Variants in KLHL29 observed in about 807,000 individuals in gnomAD.
KLHL29 encodes kelch like family member 29.
Under a neutral mutation model 80.4 loss-of-function variants are expected in KLHL29, and 21 were observed. The ratio of observed to expected loss-of-function variants is 0.26; its 90% confidence interval spans 0.19 to 0.38. The LOEUF is 0.38. Among genes scored for constraint, KLHL29 ranks in the 10% least tolerant of loss-of-function variants. The probability of loss-of-function intolerance (pLI) is 1.00; values close to 1 mark genes in which losing one functional copy is unlikely to be tolerated. For synonymous variants in KLHL29, 511 were observed against 526.8 expected (o/e 0.97, Z 0.41); for missense variants, 867 against 1,223.9 (o/e 0.71, Z 4.35).
At chr2:23,637,766 C>T (rs567224155) in intron 3 of KLHL29, among the ~76,000 whole-genome samples, 1 of 152,184 alleles carries the variant, frequency 6.6e-6, no homozygotes. Context: ...GGCTCAGCAG[C>T]AGGCCCTGTC....
chr2:23,658,983 TC>T (rs1236248575), intron 5 of KLHL29, among the ~76,000 whole-genome samples: 3 of 152,156 alleles, frequency 2.0e-5, no homozygotes, highest in African/African-American at 7.2e-5. Flanking sequence ...AGCACAGCCT[TC>T]ACTCACTCTC....
At chr2:23,461,133 C>T (rs942230962) in intron 1 of KLHL29, among the ~76,000 whole-genome samples, 8 of 152,154 alleles carry the variant, frequency 5.3e-5, no homozygotes, top group Non-Finnish European at 1.2e-4. Context: ...TTTTTGAGTA[C>T]TTTATTGTAT....
chr2:23,443,193 G>C (rs1247338685), intron 1 of KLHL29, among the ~76,000 whole-genome samples: 9 of 151,888 alleles, frequency 5.9e-5, no homozygotes, highest in Non-Finnish European at 1.2e-4. Flanking sequence ...ATTTATATGT[G>C]CATGCATATC....
At chr2:23,450,171 T>G (rs1663831135) in intron 1 of KLHL29, among the ~76,000 whole-genome samples, 2 of 151,814 alleles carry the variant, frequency 1.3e-5, no homozygotes, top group South Asian at 4.2e-4. Context: ...AAGTTCATCA[T>G]GACGGCAGCA....
At chr2:23,630,777 C>T (rs1231482440) in intron 3 of KLHL29, among the ~76,000 whole-genome samples, 2 of 152,166 alleles carry the variant, frequency 1.3e-5, no homozygotes, top group African/African-American at 2.4e-5. Context: ...CATGAGCCAC[C>T]ATGCCTGGCT....
At chr2:23,533,478 C>A (rs570862018) in intron 2 of KLHL29, among the ~76,000 whole-genome samples, 2 of 152,100 alleles carry the variant, frequency 1.3e-5, no homozygotes, top group Admixed American at 6.5e-5. Context: ...GAGCCTCTGC[C>A]GGGAGTGAAG....
rs368616853 is a variant in KLHL29 at position 23,672,192 on chromosome 2, T to C, written c.941-12207T>C. 8 of 152,374 alleles carry C rather than the reference T, an allele frequency of 5.3e-5. No individual in the cohort carries two copies. The East Asian group carries it at 7.7e-4, about 15-fold the overall frequency. The allele number at this position is 152,374 out of a possible 1,614,324, so 9.4% of individuals were successfully genotyped here. On this transcript the variant is annotated intron_variant, in intron 5 of 13. Transcript: ENST00000486442. ...CCCAACCGGCCAAGTCCAGGCCTCA[T>C]GGCCACACACCAGCTACCAGGGAGC... is the stretch of plus-strand genomic sequence containing the variant.
At chr2:23,386,925 G>A (rs924538734) in intron 1 of KLHL29, among the ~76,000 whole-genome samples, 1 of 152,144 alleles carries the variant, frequency 6.6e-6, no homozygotes, top group African/African-American at 2.4e-5. Flanking sequence ...CGGATGCCTG[G>A]GTCCACCCGC....
intron 3 of KLHL29, among the ~76,000 whole-genome samples, chr2:23,589,575 G>A (rs926986798): frequency 6.6e-6 from 1 of 152,204 alleles, no homozygotes; most frequent in Non-Finnish European, 1.5e-5. Flanking sequence ...CAAGTTGAGC[G>A]GCCTTGGCCC....
chr2:23,535,107 T>G (rs1045843849), intron 2 of KLHL29, among the ~76,000 whole-genome samples: 1 of 152,244 alleles, frequency 6.6e-6, no homozygotes, highest in African/African-American at 2.4e-5. Context: ...ATAAAATTAG[T>G]TAATTTTTTT....
At chr2:23,577,178 A>G (rs530369220) in intron 3 of KLHL29, among the ~76,000 whole-genome samples, 3 of 152,350 alleles carry the variant, frequency 2.0e-5, no homozygotes, top group Non-Finnish European at 4.4e-5. Flanking sequence ...GAGCCAGTGC[A>G]GTCGCTCACG....
chr2:23,671,836 A>G (rs1017150233), intron 5 of KLHL29: 1 of 152,276 alleles, frequency 6.6e-6, no homozygotes, highest in African/African-American at 2.4e-5. Context: ...GCGGGCTCCC[A>G]GGGGAGACTG....
chr2:23,452,682 G>T (rs1289539002), intron 1 of KLHL29, among the ~76,000 whole-genome samples: 1 of 152,140 alleles, frequency 6.6e-6, no homozygotes, highest in Non-Finnish European at 1.5e-5. Context: ...CTTTCTAGAA[G>T]TATCTCTTAT....
intron 3 of KLHL29, among the ~76,000 whole-genome samples, chr2:23,602,063 G>C (rs757872387): frequency 4.6e-5 from 7 of 152,192 alleles, no homozygotes; most frequent in Non-Finnish European, 8.8e-5. Context: ...AACTCACGAA[G>C]GGGCAGGGGA....
Position 23,552,761 on chromosome 2 carries a change from C to CTTTTTTTTTTTTTTTTTTTTTTTTT in KLHL29, c.-45-9374_-45-9373insTTTTTTTTTTTTTTTTTTTTTTTTT, listed in dbSNP as rs60558023. 1.2e-4 allele frequency among the ~76,000 whole-genome samples: 11 copies of CTTTTTTTTTTTTTTTTTTTTTTTTT among 95,540 alleles called. 2 individuals carry two copies. Among genetic ancestry groups the CTTTTTTTTTTTTTTTTTTTTTTTTT allele is most frequent in the South Asian group, 3.7e-4 (1 of 2,712 alleles). 62.7% of individuals were successfully genotyped at this position (95,540 alleles called of 152,430 possible). On this transcript the variant is annotated intron_variant, in intron 2 of 13. Transcript: ENST00000486442. ...CACGGCTATAGCTCTGGTTTCTTTT[C>CTTTTTTTTTTTTTTTTTTTTTTTTT]TTTTTTTTTTTTTTTTTGAGATGGC...
At chr2:23,606,202 G>GA (rs1668724155) in intron 3 of KLHL29, among the ~76,000 whole-genome samples, 1 of 143,988 alleles carries the variant, frequency 6.9e-6, no homozygotes, top group Admixed American at 6.9e-5. Context: ...GAGAGAGAGG[G>GA]AGAGAGAGAG....
intron 3 of KLHL29, among the ~76,000 whole-genome samples, chr2:23,595,236 G>GA (rs1372622282): frequency 1.3e-5 from 2 of 152,092 alleles, no homozygotes; most frequent in East Asian, 3.9e-4. Flanking sequence ...AAGGAGAGGG[G>GA]AAGGAACCCT....
chr2:23,480,444 A>G (rs150699464), intron 2 of KLHL29, among the ~76,000 whole-genome samples: 2,754 of 152,154 alleles, frequency 0.018, 75 homozygotes, highest in African/African-American at 0.061. Flanking sequence ...CTGAGATCGC[A>G]CCACTGCACC....
intron 2 of KLHL29, among the ~76,000 whole-genome samples, chr2:23,502,506 C>T (rs1438717115): frequency 1.3e-5 from 2 of 152,266 alleles, no homozygotes; most frequent in Non-Finnish European, 2.9e-5. Flanking sequence ...GGGGAGGACA[C>T]TTGCACAGGG....
Sources: gnomAD v4.1 joint callset for allele counts (sites outside exome capture counted in the v4.1 genomes callset) on GRCh38, gnomAD v4.1.1 for gene constraint, MANE v1.5 for transcripts, NCBI Gene and HGNC (gene_info 2026-07-23, HGNC 2026-07-21) for gene names.